The following BNC2 variants were observed in gnomAD, a reference collection of about 807,000 sequenced individuals.
BNC2 encodes the protein basonuclin zinc finger protein 2, also known as zinc finger protein basonuclin-2.
Under a neutral mutation model 76.3 loss-of-function variants are expected in BNC2, and 20 were observed. That is an observed-to-expected ratio of 0.26 (90% CI 0.18 to 0.38). The LOEUF (loss-of-function observed/expected upper bound fraction) is 0.38. Ranked by LOEUF, BNC2 falls within the 10% of genes least tolerant of loss-of-function variation. The probability of loss-of-function intolerance (pLI) is 1.00; values close to 1 mark genes in which losing one functional copy is unlikely to be tolerated. For synonymous variants in BNC2, 582 were observed against 514.8 expected (o/e 1.13, Z -1.77); for missense variants, 1,382 against 1,399.8 (o/e 0.99, Z 0.20).
chr9:16,693,336 C>G (rs764052302), intron 3 of BNC2, among the ~76,000 whole-genome samples: 1 of 151,940 alleles, frequency 6.6e-6, no homozygotes, highest in Non-Finnish European at 1.5e-5. Context: ...TCTGAAGAAC[C>G]CAACCCTCTG....
chr9:16,752,185 T>C (rs1409482749), intron 1 of BNC2, among the ~76,000 whole-genome samples: 1 of 81,338 alleles, frequency 1.2e-5, no homozygotes, highest in Non-Finnish European at 2.8e-5. Context: ...TTTCAGATGA[T>C]AAGCTGTTTT....
intron 3 of BNC2, among the ~76,000 whole-genome samples, chr9:16,604,643 CA>C (rs199626314): frequency 1.3e-5 from 2 of 151,646 alleles, no homozygotes; most frequent in Non-Finnish European, 2.9e-5. Flanking sequence ...CTAAAAAATA[CA>C]AAAAAACACA....
intron 3 of BNC2, among the ~76,000 whole-genome samples, chr9:16,650,240 C>T (rs149440393): frequency 1.6e-4 from 24 of 152,196 alleles, no homozygotes; most frequent in African/African-American, 5.3e-4. Flanking sequence ...TTTTACTTGT[C>T]GACCATTTTT....
chr9:16,685,728 G>T, intron 3 of BNC2: 1 of 689,148 alleles, frequency 1.5e-6, no homozygotes, highest in Admixed American at 2.4e-5. Flanking sequence ...CCCAACTGCG[G>T]GTCTCTAACA....
At chr9:16,550,977 A>T (rs1188359473) in intron 5 of BNC2, among the ~76,000 whole-genome samples, 1 of 152,080 alleles carries the variant, frequency 6.6e-6, no homozygotes, top group Non-Finnish European at 1.5e-5. Context: ...ATAAGCAGGG[A>T]TTGTGAAACC....
chr9:16,808,558 G>C (rs1043611026), intron 1 of BNC2, among the ~76,000 whole-genome samples: 2 of 131,084 alleles, frequency 1.5e-5, no homozygotes, highest in South Asian at 2.4e-4. Context: ...GTGTGACCAC[G>C]GCTCACTGGA....
rs1250998173 is a variant in BNC2 at position 16,544,116 on chromosome 9, T to C, written c.669+8414A>G. ...TAATCCCCCCTTTATGTCAATTTTCTGGGTGATCTGAATATTTTTGTAGTT... is the reference window on the plus strand; with the variant it reads ...TAATCCCCCCTTTATGTCAATTTTCCGGGTGATCTGAATATTTTTGTAGTT... On this transcript the variant is annotated intron_variant, in intron 5 of 6. Coordinates refer to ENST00000380672, the MANE Select transcript of BNC2 (RefSeq NM_017637.6). Among the ~76,000 whole-genome samples, 3 of 152,322 alleles carry C rather than the reference T, an allele frequency of 2.0e-5. No homozygotes were observed. The East Asian group carries it at 5.8e-4, about 29-fold the overall frequency.
chr9:16,602,156 T>C (rs930579890), intron 3 of BNC2, among the ~76,000 whole-genome samples: 19 of 152,192 alleles, frequency 1.2e-4, no homozygotes, highest in Non-Finnish European at 7.4e-5. Context: ...TTATGGTAAT[T>C]GTAACTGAAC....
chr9:16,632,544 TA>T lies in BNC2; in HGVS notation c.331-49460del, dbSNP rs553654340. On this transcript the variant is annotated intron_variant, in intron 3 of 6. Coordinates refer to ENST00000380672, the MANE Select transcript of BNC2 (RefSeq NM_017637.6). Reference sequence around the variant, plus strand: ...AGGGAACAATTTGTCAAGGCTCTGCTAATTGCAGATATTAGCATATCAGACC... The same window carrying T: ...AGGGAACAATTTGTCAAGGCTCTGCTATTGCAGATATTAGCATATCAGACC... Among the ~76,000 whole-genome samples the T allele has an allele frequency of 2.2e-3, 333 of 152,334 alleles. 2 individuals are homozygous for T. The highest frequency in any genetic ancestry group is 7.6e-3 in the African/African-American group (316 of 41,566).
intron 5 of BNC2, among the ~76,000 whole-genome samples, chr9:16,520,496 A>G (rs1449524951): frequency 1.3e-5 from 2 of 152,162 alleles, no homozygotes; most frequent in Non-Finnish European, 2.9e-5. Flanking sequence ...AGGTAGTTGC[A>G]TGCACAGACA....
intron 5 of BNC2, among the ~76,000 whole-genome samples, chr9:16,540,115 T>G (rs1818272594): frequency 6.6e-6 from 1 of 151,870 alleles, no homozygotes; most frequent in East Asian, 1.9e-4. Flanking sequence ...ACAATTTTCT[T>G]TCTGTATCTG....
chr9:16,460,514 T>C (rs182659848), intron 5 of BNC2, among the ~76,000 whole-genome samples: 29 of 152,084 alleles, frequency 1.9e-4, no homozygotes, highest in Admixed American at 1.5e-3. Flanking sequence ...TCCCAGTTAC[T>C]CAGGGGGTGG....
At chr9:16,735,393 ATT>A (rs67462704) in intron 2 of BNC2, among the ~76,000 whole-genome samples, 5 of 148,280 alleles carry the variant, frequency 3.4e-5, no homozygotes, top group Non-Finnish European at 4.5e-5. Flanking sequence ...ACTTAAATGA[ATT>A]TAAAAAAAAA....
intron 3 of BNC2, among the ~76,000 whole-genome samples, chr9:16,719,802 T>C (rs1349502220): frequency 2.6e-5 from 4 of 152,220 alleles, no homozygotes; most frequent in African/African-American, 9.6e-5. Context: ...GGTCCTACCA[T>C]CATTTCAAGT....
At chr9:16,622,964 T>G (rs1820903629) in intron 3 of BNC2, among the ~76,000 whole-genome samples, 1 of 152,140 alleles carries the variant, frequency 6.6e-6, no homozygotes, top group South Asian at 2.1e-4. Context: ...AACCTTTGGT[T>G]TTATAGGTTA....
chr9:16,485,865 A>G (rs729330), intron 5 of BNC2, among the ~76,000 whole-genome samples: 1 of 152,074 alleles, frequency 6.6e-6, no homozygotes, highest in Admixed American at 6.5e-5. Context: ...ACCCTTCTCA[A>G]TCCCCCATTT....
chr9:16,719,530 G>C (rs1230769176), intron 3 of BNC2, among the ~76,000 whole-genome samples: 1 of 152,112 alleles, frequency 6.6e-6, no homozygotes, highest in Non-Finnish European at 1.5e-5. Context: ...GAACTGTCTA[G>C]AGAACCAATA....
intron 5 of BNC2, among the ~76,000 whole-genome samples, chr9:16,450,392 T>C (rs976801366): frequency 6.6e-6 from 1 of 152,236 alleles, no homozygotes; most frequent in Non-Finnish European, 1.5e-5. Flanking sequence ...TAAATGTTTG[T>C]GTGAGAACAG....
chr9:16,422,912 T>C (rs1587009251), intron 6 of BNC2, among the ~76,000 whole-genome samples: 2 of 152,334 alleles, frequency 1.3e-5, no homozygotes, highest in South Asian at 4.1e-4. Context: ...CTAGGGTTAA[T>C]AGCAATTTGA....
Sources: allele counts gnomAD v4.1 joint callset (sites outside exome capture counted in the v4.1 genomes callset), GRCh38; gene constraint gnomAD v4.1.1; transcripts MANE v1.5; gene names NCBI Gene and HGNC (gene_info 2026-07-23, HGNC 2026-07-21).